The following ASS1 variants were observed in gnomAD, a reference collection of about 807,000 sequenced individuals.
ASS1 encodes the protein argininosuccinate synthase.
A neutral mutation model predicts 60.5 loss-of-function variants in ASS1; 58 were observed. That is an observed-to-expected ratio of 0.96 (90% CI 0.78 to 1.19). ASS1 has a LOEUF of 1.19. Among genes scored for constraint, ASS1 ranks in the 50% most tolerant of loss-of-function variants. The pLI is 0.00. For synonymous variants in ASS1, 200 were observed against 206.9 expected, an observed-to-expected ratio of 0.97 and a Z score of 0.29; for missense variants, 454 against 547.3, an observed-to-expected ratio of 0.83 and a Z score of 1.70.
intron 11 of ASS1, among the ~76,000 whole-genome samples, chr9:130,484,337 A>T (rs868647871): frequency 8.3e-4 from 126 of 152,200 alleles, no homozygotes; most frequent in African/African-American, 2.7e-3. Context: ...TCAGGGACAG[A>T]TGAGAAGAAT....
chr9:130,485,591 C>T (rs992553152), intron 11 of ASS1, among the ~76,000 whole-genome samples: 5 of 152,144 alleles, frequency 3.3e-5, no homozygotes, highest in Non-Finnish European at 7.3e-5. Flanking sequence ...ATGAGGAGGG[C>T]TCCTGCTACC....
intron 12 of ASS1, among the ~76,000 whole-genome samples, chr9:130,492,139 T>C (rs1564161807): frequency 6.6e-6 from 1 of 152,168 alleles, no homozygotes. Context: ...GTGCGTGAAA[T>C]AACTGCGAGC....
intron 1 of ASS1, chr9:130,451,796 T>G (rs1343260386): frequency 2.2e-6 from 1 of 458,266 alleles, no homozygotes; most frequent in Non-Finnish European, 4.4e-6. Flanking sequence ...GCCTGGTGCT[T>G]GGCAAGGAGC....
intron 4 of ASS1, among the ~76,000 whole-genome samples, chr9:130,461,783 CCT>C (rs1425331230): frequency 2.0e-5 from 3 of 152,302 alleles, no homozygotes; most frequent in East Asian, 3.9e-4. Context: ...GCATTTACCC[CCT>C]GAGTAACCAC....
rs878870338 is a variant in ASS1 at position 130,458,591 on chromosome 9, T to C, written c.363+2T>C. ...GTGTCCCACGGCGCCACAGGAAAGG[T>C]GAGGCACCTGGGAAGGGCCGGGCAG... On this transcript the variant is annotated splice_donor_variant, in intron 4 of 14. Coordinates refer to ENST00000352480, the MANE Select transcript of ASS1 (RefSeq NM_054012.4). LOFTEE classifies it high-confidence loss of function. 2 of 1,611,974 alleles carry C rather than the reference T, an allele frequency of 1.2e-6. No homozygotes were observed. Among genetic ancestry groups the C allele is most frequent in the South Asian group, 1.1e-5 (1 of 90,874 alleles).
At chr9:130,447,171 G>A (rs1168615430) in intron 1 of ASS1, among the ~76,000 whole-genome samples, 2 of 152,218 alleles carry the variant, frequency 1.3e-5, no homozygotes, top group African/African-American at 4.8e-5. Flanking sequence ...TTTCTGGAAG[G>A]TGTGTAGAGT....
chr9:130,466,884 G>C, intron 6 of ASS1, 85 bp downstream of exon 6: 1 of 1,479,530 alleles, frequency 6.8e-7, no homozygotes, highest in Non-Finnish European at 9.4e-7. Flanking sequence ...GTCTGAGCCA[G>C]TGGCCTAGGC....
At chr9:130,481,944 T>C (rs140751862) in intron 11 of ASS1, among the ~76,000 whole-genome samples, 83 of 152,318 alleles carry the variant, frequency 5.4e-4, no homozygotes, top group African/African-American at 1.9e-3. Context: ...TAACATGTGA[T>C]TAGATGCCCC....
In ASS1 at chr9:130,480,365, T is replaced by C. The variant is rs751489203; in HGVS notation, c.774-20T>C. On this transcript the variant is annotated intron_variant, in intron 10 of 14. Coordinates refer to ENST00000352480, the MANE Select transcript of ASS1 (RefSeq NM_054012.4). Reference sequence around the variant, plus strand: ...GCCTTGCGGTAGCGCCCGAACCTAATGGACCAGTTCTTCCCACAGGGGCAA... The same window carrying C: ...GCCTTGCGGTAGCGCCCGAACCTAACGGACCAGTTCTTCCCACAGGGGCAA... The C allele has an allele frequency of 1.2e-6, 2 of 1,614,168 alleles. No individual in the cohort carries two copies. The highest frequency in any genetic ancestry group is 1.7e-6 in the Non-Finnish European group (2 of 1,180,016).
At chr9:130,479,378 G>T (rs1250975394) in intron 9 of ASS1, among the ~76,000 whole-genome samples, 2 of 152,172 alleles carry the variant, frequency 1.3e-5, no homozygotes, top group African/African-American at 2.4e-5. Flanking sequence ...GGGACAGAAG[G>T]TGCTCCCGGC....
intron 8 of ASS1, among the ~76,000 whole-genome samples, chr9:130,472,057 C>G (rs1845879712): frequency 6.6e-6 from 1 of 152,138 alleles, no homozygotes; most frequent in South Asian, 2.1e-4. Flanking sequence ...GTTTCTCTCC[C>G]GGGGGTAGGG....
rs2118835016 is a variant in ASS1 at position 130,477,980 on chromosome 9, C to T, written c.688+1019C>T. On this transcript the variant is annotated intron_variant, in intron 9 of 14. Coordinates refer to ENST00000352480, the MANE Select transcript of ASS1 (RefSeq NM_054012.4). This position sits in a 1 kb window ranked among gnomAD's most constrained non-coding sequence, Gnocchi z 4.2. The stretch of plus-strand genomic sequence containing the variant: ...AGGCAGAGCTGCAGATCCCCCTCTC[C>T]CCCTTGCTGGTGTGACCTTGACAGC... Among the ~76,000 whole-genome samples, 1 of 152,280 alleles carries T rather than the reference C, an allele frequency of 6.6e-6. No homozygotes were observed. Among genetic ancestry groups the T allele is most frequent in the Admixed American group, 6.5e-5 (1 of 15,300 alleles).
chr9:130,487,977 A>G (rs1226418653), intron 11 of ASS1, among the ~76,000 whole-genome samples: 1 of 150,314 alleles, frequency 6.7e-6, no homozygotes, highest in Non-Finnish European at 1.5e-5. Flanking sequence ...CTGGTCTTGA[A>G]CTCCTGACCT....
intron 8 of ASS1, among the ~76,000 whole-genome samples, chr9:130,472,447 G>A (rs1042542223): frequency 2.0e-5 from 3 of 152,176 alleles, no homozygotes; most frequent in East Asian, 3.9e-4. Context: ...CGGGCCGGGG[G>A]TGGCATTGTC....
At chr9:130,479,519 T>C (rs1397262549) in intron 9 of ASS1, among the ~76,000 whole-genome samples, 197 bp from the exon 10 acceptor site, 1 of 152,122 alleles carries the variant, frequency 6.6e-6, no homozygotes, top group Non-Finnish European at 1.5e-5. Flanking sequence ...TTCTCTTTCA[T>C]TCTGGGGGGC....
chr9:130,466,141 G>A (rs1845735910), intron 5 of ASS1, among the ~76,000 whole-genome samples: 1 of 152,228 alleles, frequency 6.6e-6, no homozygotes, highest in Middle Eastern at 3.2e-3. Flanking sequence ...CTGCTCAGAG[G>A]CAGGGGCCTG....
intron 6 of ASS1, among the ~76,000 whole-genome samples, chr9:130,468,639 C>T (rs959734872): frequency 6.6e-6 from 1 of 151,984 alleles, no homozygotes; most frequent in African/African-American, 2.4e-5. Context: ...ACCATGTTGC[C>T]CAGGCTGGTC....
intron 3 of ASS1, among the ~76,000 whole-genome samples, chr9:130,455,915 T>TCC (rs1302698187): frequency 6.6e-6 from 1 of 152,210 alleles, no homozygotes; most frequent in Admixed American, 6.5e-5. Flanking sequence ...GGCCTGGAAC[T>TCC]AGAATGTCCC....
intron 13 of ASS1, among the ~76,000 whole-genome samples, chr9:130,498,933 A>G (rs1327319612): frequency 6.6e-6 from 1 of 152,184 alleles, no homozygotes; most frequent in African/African-American, 2.4e-5. Flanking sequence ...AGCATTTTCC[A>G]TGACACACTG....
Sources: allele counts gnomAD v4.1 joint callset (sites outside exome capture counted in the v4.1 genomes callset), GRCh38; gene constraint gnomAD v4.1.1; non-coding constraint Gnocchi (gnomAD v3.1); transcripts MANE v1.5; gene names NCBI Gene and HGNC (gene_info 2026-07-23, HGNC 2026-07-21).